ING5: variants seen among roughly 807,000 people sequenced by gnomAD.
ING5 encodes the protein inhibitor of growth protein 5.
ING5 carries 17 observed loss-of-function variants against 37.4 expected under a neutral mutation model. The observed-to-expected ratio is 0.45, with a 90% confidence interval of 0.31 to 0.68. ING5 has a LOEUF of 0.68. Among genes scored for constraint, ING5 ranks in the 30% least tolerant of loss-of-function variants. ING5 has a pLI of 0.05. For missense variants in ING5, 233 were observed against 311.9 expected (o/e 0.75, Z 1.91); for synonymous variants, 123 against 116.6 (o/e 1.06, Z -0.36).
chr2:241,707,741 T>C (rs1344481044), intron 2 of ING5, among the ~76,000 whole-genome samples: 3 of 152,186 alleles, frequency 2.0e-5, no homozygotes, highest in Non-Finnish European at 4.4e-5. Context: ...TTAACAAATA[T>C]TACCAGGTGA....
chr2:241,708,300 T>C (rs2069988748), intron 2 of ING5, among the ~76,000 whole-genome samples: 1 of 151,818 alleles, frequency 6.6e-6, no homozygotes, highest in South Asian at 2.1e-4. Flanking sequence ...CCCCGCCTCC[T>C]GGGTTCACGC....
At chr2:241,714,418 G>A (rs1031807404) in intron 5 of ING5, among the ~76,000 whole-genome samples, 1 of 152,008 alleles carries the variant, frequency 6.6e-6, no homozygotes, top group East Asian at 1.9e-4. Flanking sequence ...ATTTCTTCTC[G>A]AGTCAGTTTT....
At chr2:241,692,480 T>TTA (rs1399134704) in intron 2 of ING5, among the ~76,000 whole-genome samples, 3 of 151,148 alleles carry the variant, frequency 2.0e-5, no homozygotes, top group Non-Finnish European at 3.0e-5. Flanking sequence ...TTTTTTTTTT[T>TTA]AAATACTGAC....
chr2:241,699,917 A>T (rs943564199), upstream of ING5, among the ~76,000 whole-genome samples: 1 of 152,194 alleles, frequency 6.6e-6, no homozygotes, highest in Non-Finnish European at 1.5e-5. Context: ...GCACTGCATG[A>T]TGATGCTACA....
Position 241,693,492 on chromosome 2 carries a change from G to A in ING5, c.43+2839G>A, listed in dbSNP as rs184994418. Reference sequence around the variant, plus strand: ...CAGGCTTGCATCCCCTACGCTCTCCGACATACCCCTTGTTGCAACCCAGCC... The same window carrying A: ...CAGGCTTGCATCCCCTACGCTCTCCAACATACCCCTTGTTGCAACCCAGCC... On this transcript the variant is annotated intron_variant, in intron 2 of 7. Transcript: ENST00000636051. Among the ~76,000 whole-genome samples the A allele has an allele frequency of 9.2e-5, 14 of 151,798 alleles. No individual in the cohort carries two copies. The South Asian group carries it at 2.3e-3, about 25-fold the overall frequency.
rs576644998 is a variant in ING5, at chr2:241,713,954, C to T, written c.482+1883C>T. Among the ~76,000 whole-genome samples, 67 of 150,936 alleles carry T rather than the reference C, an allele frequency of 4.4e-4. 1 individual carries two copies. The highest frequency in any genetic ancestry group is 4.1e-3 in the Admixed American group (63 of 15,184). ...GCAGTGAGTCAAGATCACACCACTG[C>T]ACCCCAGCCTGGGTGACAGAGCAAA... On this transcript the variant is annotated intron_variant, in intron 5 of 7. Coordinates refer to ENST00000313552, the MANE Select transcript of ING5 (RefSeq NM_032329.6).
chr2:241,721,136 C>A, intron 5 of ING5: 1 of 985,558 alleles, frequency 1.0e-6, no homozygotes, highest in Non-Finnish European at 1.2e-6. Flanking sequence ...GCAGAGGGTG[C>A]TGCCCTGCTC....
At chr2:241,713,683 T>A (rs2070186257) in intron 5 of ING5, among the ~76,000 whole-genome samples, 1 of 151,216 alleles carries the variant, frequency 6.6e-6, no homozygotes, top group South Asian at 2.1e-4. Context: ...AATTTTCAGT[T>A]TTTTAGCTAG....
At chr2:241,711,707 CCTGGG>C in intron 4 of ING5, 1 of 567,290 alleles carries the variant, frequency 1.8e-6, no homozygotes, top group Admixed American at 3.4e-5. Flanking sequence ...TTGAGACCAA[CCTGGG>C]CAACATAGCG....
intron 5 of ING5, chr2:241,721,792 G>A (rs2070443358): frequency 5.1e-6 from 5 of 985,450 alleles, no homozygotes; most frequent in Non-Finnish European, 6.0e-6. Flanking sequence ...ATATAAAAGC[G>A]TAAATTTCCC....
At chr2:241,723,329 G>C in intron 7 of ING5, 58 bp downstream of exon 7, 1 of 1,562,524 alleles carries the variant, frequency 6.4e-7, no homozygotes, top group Non-Finnish European at 8.8e-7. Context: ...TGCGCTGCTG[G>C]CCTCCCCAGG....
Position 241,709,264 on chromosome 2 carries a change from T to C in ING5, c.158T>C (p.Val53Ala), listed in dbSNP as rs2070027329. ...CTGGCTGCAGAGTACATCTCCACGG[T>C]GAAGACGCTGTCTCCAGACCAGCGC... ...DILAAEYIST[V>A]KTLSPDQRVE... The change falls in exon 3 of 8, where the codon GTG (valine) becomes GCG (alanine). Residue 53 changes from valine to alanine, a missense_variant. By Grantham distance (64) the Val-to-Ala change is moderately conservative (BLOSUM62 0). Transcript: ENST00000313552. The C allele has an allele frequency of 1.9e-6, 3 of 1,613,910 alleles. No individual in the cohort carries two copies. Among genetic ancestry groups the C allele is most frequent in the Non-Finnish European group, 2.5e-6 (3 of 1,180,010 alleles).
chr2:241,722,209 TG>T, intron 5 of ING5: 2 of 984,870 alleles, frequency 2.0e-6, no homozygotes, highest in Non-Finnish European at 2.4e-6. Context: ...CAGTCTGGAG[TG>T]GGAGGCTGGC....
At chr2:241,711,178 G>A (rs983460599) in intron 3 of ING5, among the ~76,000 whole-genome samples, 199 bp from the exon 4 acceptor site, 4 of 152,196 alleles carry the variant, frequency 2.6e-5, no homozygotes, top group Admixed American at 1.3e-4. Flanking sequence ...TTATTCCATT[G>A]CAATGTCAAA....
At chr2:241,719,415 C>T in intron 5 of ING5, 2 of 837,322 alleles carry the variant, frequency 2.4e-6, no homozygotes, top group Non-Finnish European at 2.0e-6. Flanking sequence ...CTTGTTGCTC[C>T]ACAGCTCCCC....
chr2:241,703,270 G>A (rs1246126563), intron 1 of ING5, among the ~76,000 whole-genome samples: 1 of 152,220 alleles, frequency 6.6e-6, no homozygotes, highest in Non-Finnish European at 1.5e-5. Flanking sequence ...ACTGGGGCTG[G>A]AAGCATCAGA....
chr2:241,707,863 G>A (rs1460239460), intron 2 of ING5, among the ~76,000 whole-genome samples: 1 of 152,080 alleles, frequency 6.6e-6, no homozygotes, highest in African/African-American at 2.4e-5. Flanking sequence ...TGACCATCCT[G>A]AGTTTGGTGA....
Position 241,711,488 on chromosome 2 carries a change from A to C in ING5, c.388A>C (p.Lys130Gln). The C allele has an allele frequency of 1.3e-6, 2 of 1,590,094 alleles. No individual in the cohort carries two copies. Among genetic ancestry groups the C allele is most frequent in the African/African-American group, 2.7e-5 (2 of 73,282 alleles). ...AAGCTCCGGAGGGCGAGGGTTAAAA[A>C]GCAAGTCTGTTAATTTTTTTTCTTT... is the stretch of plus-strand genomic sequence containing the variant. The part of the protein sequence containing the change: ...FESSGGRGLK[K>Q]GRGQKEKRGS... Residue 130 changes from lysine (K) to glutamine (Q), a missense_variant and splice_region_variant, in exon 4 of 8, where the codon AAA (lysine) becomes CAA (glutamine). Lys to Gln is a moderately conservative substitution (Grantham distance 53). Around this residue, in one of 4 missense-constraint regions of ING5, gnomAD observed 76 missense variants for 68.2 expected, o/e 1.11. Coordinates refer to ENST00000313552, the MANE Select transcript of ING5 (RefSeq NM_032329.6).
chr2:241,700,065 C>T (rs1179821801), upstream of ING5, among the ~76,000 whole-genome samples: 1 of 152,074 alleles, frequency 6.6e-6, no homozygotes, highest in Non-Finnish European at 1.5e-5. Context: ...TCACTGCAAC[C>T]TCCACGTACC....
Sources: gnomAD v4.1 joint callset for allele counts (sites outside exome capture counted in the v4.1 genomes callset) on GRCh38, gnomAD v4.1.1 for gene constraint, gnomAD v4.1.1 regional missense constraint, MANE v1.5 for transcripts, NCBI Gene and HGNC (gene_info 2026-07-23, HGNC 2026-07-21) for gene names.